The following BLTP3B variants were observed in gnomAD, a reference collection of about 807,000 sequenced individuals.
BLTP3B encodes the protein bridge-like lipid transfer protein family member 3B, also known as UHRF1 (ICBP90) binding protein 1-like.
the BLTP3B span, among the ~76,000 whole-genome samples, chr12:100,130,553 T>A: frequency 2.0e-5 from 3 of 151,910 alleles, no homozygotes; most frequent in Admixed American, 2.0e-4. Context: ...ATAAGATAAA[T>A]CTTACATTTT....
the BLTP3B span, among the ~76,000 whole-genome samples, chr12:100,087,037 T>C: frequency 2.6e-5 from 4 of 151,706 alleles, no homozygotes; most frequent in South Asian, 6.2e-4. Flanking sequence ...CACGCCCCTG[T>C]AGTCCCAGCT....
chr12:100,058,660 G>A, the BLTP3B span: 2 of 1,614,066 alleles, frequency 1.2e-6, no homozygotes, highest in Non-Finnish European at 1.7e-6. Flanking sequence ...ACTGGATGGA[G>A]CAAAAGAGCC....
the BLTP3B span, chr12:100,047,625 C>A: frequency 6.2e-7 from 1 of 1,608,722 alleles, no homozygotes; most frequent in East Asian, 2.2e-5. Flanking sequence ...TGTACTACTC[C>A]GGGGACTATC....
At chr12:100,071,689 T>C in the BLTP3B span, among the ~76,000 whole-genome samples, 1 of 152,164 alleles carries the variant, frequency 6.6e-6, no homozygotes, top group African/African-American at 2.4e-5. Context: ...TAAAAATTCA[T>C]GTAATTCAAT....
chr12:100,071,592 A>G, the BLTP3B span, among the ~76,000 whole-genome samples: 4 of 152,016 alleles, frequency 2.6e-5, no homozygotes, highest in African/African-American at 7.2e-5. Flanking sequence ...AATCATTTTA[A>G]TGTTAGGAAG....
At chr12:100,043,565 C>A in the BLTP3B span, among the ~76,000 whole-genome samples, 1 of 152,118 alleles carries the variant, frequency 6.6e-6, no homozygotes, top group African/African-American at 2.4e-5. Flanking sequence ...TTCCTATTTT[C>A]TTGTTCATGT....
At chr12:100,093,671 C>CCTGA in the BLTP3B span, among the ~76,000 whole-genome samples, 1 of 152,080 alleles carries the variant, frequency 6.6e-6, no homozygotes, top group Non-Finnish European at 1.5e-5. Flanking sequence ...GGAAAACCAG[C>CCTGA]CTGACATCTT....
the BLTP3B span, among the ~76,000 whole-genome samples, chr12:100,137,423 C>A: frequency 6.6e-6 from 1 of 152,174 alleles, no homozygotes; most frequent in African/African-American, 2.4e-5. Context: ...TTTAACCCTT[C>A]TGAATGTCCA....
At chr12:100,142,541 T>C in the BLTP3B span, 1 of 1,586,282 alleles carries the variant, frequency 6.3e-7, no homozygotes, top group Non-Finnish European at 8.6e-7. Context: ...CTGACTCCAG[T>C]GCGGGCTGGG....
the BLTP3B span, among the ~76,000 whole-genome samples, chr12:100,134,029 C>T: frequency 6.6e-6 from 1 of 152,092 alleles, no homozygotes; most frequent in East Asian, 1.9e-4. Flanking sequence ...ACACAATATA[C>T]ATATCGTTCA....
chr12:100,133,570 A>G, the BLTP3B span, among the ~76,000 whole-genome samples: 1 of 152,218 alleles, frequency 6.6e-6, no homozygotes, highest in African/African-American at 2.4e-5. Flanking sequence ...ATCAATGAAA[A>G]GGGTACTGGA....
At chr12:100,078,293 T>G in the BLTP3B span, among the ~76,000 whole-genome samples, 1 of 152,206 alleles carries the variant, frequency 6.6e-6, no homozygotes, top group Non-Finnish European at 1.5e-5. Context: ...GCTCCTGCTT[T>G]ACCTTCCACC....
the BLTP3B span, among the ~76,000 whole-genome samples, chr12:100,075,361 T>C: frequency 6.6e-6 from 1 of 152,062 alleles, no homozygotes; most frequent in Non-Finnish European, 1.5e-5. Context: ...AATATTTAAA[T>C]ATAAGAAGTC....
At chr12:100,132,986 G>A in the BLTP3B span, among the ~76,000 whole-genome samples, 1 of 152,054 alleles carries the variant, frequency 6.6e-6, no homozygotes, top group Non-Finnish European at 1.5e-5. Flanking sequence ...GCTCACATCT[G>A]TAATCCCAGC....
the BLTP3B span, among the ~76,000 whole-genome samples, chr12:100,062,324 T>C: frequency 2.9e-4 from 44 of 152,336 alleles, no homozygotes; most frequent in African/African-American, 9.1e-4. Context: ...TAAAATACAA[T>C]GTGTACGTTA....
chr12:100,132,870 C>T, the BLTP3B span, among the ~76,000 whole-genome samples: 1 of 152,092 alleles, frequency 6.6e-6, no homozygotes. Context: ...ATTGCTTAAG[C>T]CTGAGAGGTG....
At chr12:100,098,422 T>C in the BLTP3B span, 25 of 1,613,954 alleles carry the variant, frequency 1.5e-5, no homozygotes, top group East Asian at 2.2e-5. Context: ...ATTTACACTA[T>C]AGATCCGAAG....
the BLTP3B span, among the ~76,000 whole-genome samples, chr12:100,077,576 G>A: frequency 6.6e-6 from 1 of 152,214 alleles, no homozygotes; most frequent in Non-Finnish European, 1.5e-5. Flanking sequence ...CAGCATCCCT[G>A]TCCAGTTGTG....
the BLTP3B span, among the ~76,000 whole-genome samples, chr12:100,087,358 A>G: frequency 6.6e-6 from 1 of 152,008 alleles, no homozygotes; most frequent in Non-Finnish European, 1.5e-5. Flanking sequence ...CTATGTATAC[A>G]CTCCCTATAT....
Sources: gnomAD v4.1 joint callset for allele counts (sites outside exome capture counted in the v4.1 genomes callset) on GRCh38, gnomAD v4.1.1 for gene constraint, MANE v1.5 for transcripts, NCBI Gene and HGNC (gene_info 2026-07-23, HGNC 2026-07-21) for gene names.